YIPF4: variants seen among roughly 807,000 people sequenced by gnomAD.
YIPF4 encodes Yip1 domain family member 4.
In YIPF4, 18 loss-of-function variants were observed where a neutral mutation model predicts 29.4. The ratio of observed to expected loss-of-function variants is 0.61; its 90% confidence interval spans 0.42 to 0.91. YIPF4 has a LOEUF of 0.91. Ranked by LOEUF, YIPF4 falls within the 40% of genes least tolerant of loss-of-function variation. YIPF4 has a pLI of 0.00. For synonymous variants in YIPF4, 115 were observed against 104.7 expected (o/e 1.10, Z -0.60); for missense variants, 279 against 282.7 (o/e 0.99, Z 0.09).
Position 32,305,735 on chromosome 2 carries a change from C to T in YIPF4, c.*109C>T. 7.7e-7 allele frequency: 1 copy of T among 1,298,252 alleles called. No individual in the cohort carries two copies. The highest frequency in any genetic ancestry group is 9.8e-7 in the Non-Finnish European group (1 of 1,022,568). The allele number at this position is 1,298,252 out of a possible 1,614,324, so 80.4% of individuals were successfully genotyped here. A position where few individuals can be genotyped will look rare whatever the true frequency, so the allele number is the denominator to read the frequency against. Reference sequence around the variant, plus strand: ...TGTTGCTGCAAAATTTTACATGTTCCAGATGGAAAGGGAAGTCTAAGCGCT... The same window carrying T: ...TGTTGCTGCAAAATTTTACATGTTCTAGATGGAAAGGGAAGTCTAAGCGCT... On this transcript the variant is annotated 3_prime_UTR_variant, in exon 6 of 6. Transcript: ENST00000238831.
intron 3 of YIPF4, among the ~76,000 whole-genome samples, chr2:32,297,672 A>C (rs1380189508): frequency 6.6e-6 from 1 of 151,914 alleles, no homozygotes; most frequent in East Asian, 1.9e-4. Flanking sequence ...TACATAAATA[A>C]AATAATAAAT....
At chr2:32,298,171 T>G in intron 3 of YIPF4, 63 bp from the exon 4 acceptor site, 2 of 1,310,592 alleles carry the variant, frequency 1.5e-6, no homozygotes, top group Non-Finnish European at 2.2e-6. Context: ...GAGAATCGAG[T>G]TCCTGGAAAA....
intron 3 of YIPF4, among the ~76,000 whole-genome samples, chr2:32,296,151 T>A (rs1216391933): frequency 1.3e-5 from 2 of 152,178 alleles, no homozygotes; most frequent in Non-Finnish European, 2.9e-5. Flanking sequence ...TTGTATCTGT[T>A]TTGTATAATC....
chr2:32,292,152 G>T, intron 2 of YIPF4, 25 bp from the exon 3 acceptor site: 1 of 1,382,010 alleles, frequency 7.2e-7, no homozygotes. Context: ...TGTGCCTTTT[G>T]AGAATTTTTA....
At chr2:32,290,310 T>G (rs2030854415) in intron 1 of YIPF4, among the ~76,000 whole-genome samples, 173 bp from the exon 2 acceptor site, 2 of 152,174 alleles carry the variant, frequency 1.3e-5, no homozygotes, top group African/African-American at 2.4e-5. Flanking sequence ...TCTTATAAAA[T>G]AAATGATGGT....
chr2:32,292,645 G>A (rs570152179), intron 3 of YIPF4, among the ~76,000 whole-genome samples: 98 of 151,644 alleles, frequency 6.5e-4, no homozygotes, highest in South Asian at 4.6e-3. Context: ...GGTGGATCAC[G>A]GGGTCAGGAG....
intron 3 of YIPF4, among the ~76,000 whole-genome samples, chr2:32,297,119 G>A (rs962188876): frequency 2.0e-5 from 3 of 150,330 alleles, no homozygotes; most frequent in Admixed American, 6.6e-5. Context: ...GGAATCAACC[G>A]TTTTTTTGTT....
chr2:32,289,480 T>TA (rs1558475979), intron 1 of YIPF4, among the ~76,000 whole-genome samples: 1 of 152,218 alleles, frequency 6.6e-6, no homozygotes, highest in African/African-American at 2.4e-5. Context: ...CTATCTGTGT[T>TA]AGAGTGTTCT....
Position 32,306,898 on chromosome 2 carries a change from T to C in YIPF4, c.*1272T>C, listed in dbSNP as rs898332348. 6 of 288,336 alleles carry C rather than the reference T, an allele frequency of 2.1e-5. No homozygotes were observed. The highest frequency in any genetic ancestry group is 1.4e-4 in the African/African-American group (6 of 43,580). 17.9% of individuals were successfully genotyped at this position (288,336 alleles called of 1,614,324 possible). On this transcript the variant is annotated 3_prime_UTR_variant, in exon 6 of 6. Coordinates refer to ENST00000238831, the MANE Select transcript of YIPF4 (RefSeq NM_032312.4). ...ACATGGCGACCTCTTGGTATGTATT[T>C]CTTTAGCAAACTTACCCATCAGGAA...
intron 3 of YIPF4, among the ~76,000 whole-genome samples, chr2:32,297,276 C>T (rs2031228607): frequency 6.6e-6 from 1 of 152,070 alleles, no homozygotes; most frequent in Admixed American, 6.6e-5. Flanking sequence ...AGGCATGTGC[C>T]ACCATGCCCG....
At chr2:32,287,518 C>T (rs924127656) in intron 1 of YIPF4, among the ~76,000 whole-genome samples, 1 of 152,168 alleles carries the variant, frequency 6.6e-6, no homozygotes, top group Admixed American at 6.5e-5. Context: ...TTGCAGGATA[C>T]TCTTCTTTCA....
chr2:32,293,412 G>C (rs2031008138), intron 3 of YIPF4, among the ~76,000 whole-genome samples: 1 of 152,204 alleles, frequency 6.6e-6, no homozygotes, highest in South Asian at 2.1e-4. Context: ...TGGGGGTAAG[G>C]TCCCAGATCA....
chr2:32,291,568 A>G (rs1174170309), intron 2 of YIPF4, among the ~76,000 whole-genome samples: 1 of 152,168 alleles, frequency 6.6e-6, no homozygotes, highest in Non-Finnish European at 1.5e-5. Flanking sequence ...CAAACCGTAT[A>G]CCATCAAATC....
Position 32,307,292 on chromosome 2 carries a change from C to G in YIPF4, c.*1666C>G. 2.5e-6 allele frequency: 1 copy of G among 405,082 alleles called. No individual in the cohort carries two copies. Among genetic ancestry groups the G allele is most frequent in the South Asian group, 5.8e-5 (1 of 17,120 alleles). The allele number at this position is 405,082 out of a possible 1,614,324, so 25.1% of individuals were successfully genotyped here. On this transcript the variant is annotated 3_prime_UTR_variant, in exon 6 of 6. Transcript: ENST00000238831. Reference sequence around the variant, plus strand: ...TCATAGTGTTGACCCTGGAATCTTTCACAGAAAGCTTGGGGGTCAGGACCA... The same window carrying G: ...TCATAGTGTTGACCCTGGAATCTTTGACAGAAAGCTTGGGGGTCAGGACCA...
rs2031670703 is a variant in YIPF4 at position 32,309,505 on chromosome 2, ATT to A, written c.*3880_*3881del. ...GTGAAGTAAATATTTTTGTTTAAAT[ATT>A]GTTTAAAATTTAGTCATTTAAAAAT... On this transcript the variant is annotated 3_prime_UTR_variant, in exon 6 of 6. Coordinates refer to ENST00000238831, the MANE Select transcript of YIPF4 (RefSeq NM_032312.4). 6.6e-6 allele frequency: 1 copy of A among 152,182 alleles called. No homozygotes were observed. Among genetic ancestry groups the A allele is most frequent in the African/African-American group, 2.4e-5 (1 of 41,456 alleles). 9.4% of individuals were successfully genotyped at this position (152,182 alleles called of 1,614,324 possible).
intron 1 of YIPF4, among the ~76,000 whole-genome samples, chr2:32,284,106 GA>G (rs1349945396): frequency 6.6e-6 from 1 of 152,062 alleles, no homozygotes; most frequent in Non-Finnish European, 1.5e-5. Context: ...CACATTTGTT[GA>G]TTGCCTACTA....
chr2:32,283,532 G>A (rs960604286), intron 1 of YIPF4, among the ~76,000 whole-genome samples: 3 of 151,900 alleles, frequency 2.0e-5, no homozygotes, highest in African/African-American at 4.8e-5. Flanking sequence ...TCTCCTCCTC[G>A]CCTTAAGTTA....
At chr2:32,290,426 G>C (rs930604694) in intron 1 of YIPF4, 57 bp from the exon 2 acceptor site, 2 of 1,284,784 alleles carry the variant, frequency 1.6e-6, no homozygotes, top group Admixed American at 5.8e-5. Flanking sequence ...GCTCACTTTG[G>C]TTAAGATTCA....
chr2:32,287,074 A>C lies in YIPF4; in HGVS notation c.80-3409A>C, dbSNP rs2030708862. Reference sequence around the variant, plus strand: ...AGACTGGCCAACATGTTGAAACCCCATCTCTACTAAAAATACAAAACTTAG... The same window carrying C: ...AGACTGGCCAACATGTTGAAACCCCCTCTCTACTAAAAATACAAAACTTAG... On this transcript the variant is annotated intron_variant, in intron 1 of 5. Transcript: ENST00000238831. Among the ~76,000 whole-genome samples the C allele has an allele frequency of 2.0e-5, 3 of 151,978 alleles. No homozygotes were observed. The South Asian group carries it at 6.2e-4, about 32-fold the overall frequency.
Sources: gnomAD v4.1 joint callset for allele counts (sites outside exome capture counted in the v4.1 genomes callset) on GRCh38, gnomAD v4.1.1 for gene constraint, MANE v1.5 for transcripts, NCBI Gene and HGNC (gene_info 2026-07-23, HGNC 2026-07-21) for gene names.